Variants in ADGRV1 observed in about 807,000 individuals in gnomAD.
The protein encoded by ADGRV1 is G-protein coupled receptor 98.
ADGRV1 carries 359 observed loss-of-function variants against 596.2 expected under a neutral mutation model. The ratio of observed to expected loss-of-function variants is 0.60; its 90% confidence interval spans 0.55 to 0.66. The LOEUF (loss-of-function observed/expected upper bound fraction) is 0.66. Ranked by LOEUF, ADGRV1 falls within the 30% of genes least tolerant of loss-of-function variation. ADGRV1 has a pLI of 0.00. For synonymous variants in ADGRV1, 2,681 were observed against 2,679.2 expected (o/e 1.00, Z -0.02); for missense variants, 7,274 against 7,575.6 (o/e 0.96, Z 1.48).
chr5:90,692,434 G>A (rs944996398), intron 31 of ADGRV1, among the ~76,000 whole-genome samples, 171 bp from the exon 32 acceptor site: 1 of 152,086 alleles, frequency 6.6e-6, no homozygotes, highest in Non-Finnish European at 1.5e-5. Flanking sequence ...GGGTTATTCT[G>A]TTACATGCTG....
intron 55 of ADGRV1, among the ~76,000 whole-genome samples, chr5:90,755,771 TAAC>T (rs1048029477): frequency 1.7e-4 from 26 of 149,208 alleles, no homozygotes; most frequent in African/African-American, 5.1e-4. Flanking sequence ...TATAAAATAA[TAAC>T]AAAATGTTGT....
chr5:91,075,774 C>A (rs1788802047), intron 86 of ADGRV1, among the ~76,000 whole-genome samples: 1 of 151,974 alleles, frequency 6.6e-6, no homozygotes, highest in East Asian at 1.9e-4. Context: ...TCTCATTCTC[C>A]AGCATTTCAG....
chr5:91,161,331 C>T (rs1301934247), intron 89 of ADGRV1, among the ~76,000 whole-genome samples: 2 of 152,100 alleles, frequency 1.3e-5, no homozygotes, highest in Non-Finnish European at 2.9e-5. Context: ...ATGTTACCTT[C>T]GGGGGCCAAG....
rs139205580 is a variant in ADGRV1, at chr5:90,834,861, TTTTC to T, written c.16611+5685_16611+5688del. ...TTTTTTCTTTTGTTTCCTCTGCCTA[TTTTC>T]TTTCTTTCTCTTTCTTTCTTTTTTC... On this transcript the variant is annotated intron_variant, in intron 77 of 89. Coordinates refer to ENST00000405460, the MANE Select transcript of ADGRV1 (RefSeq NM_032119.4). Among the ~76,000 whole-genome samples the T allele has an allele frequency of 3.2e-3, 486 of 151,908 alleles. 4 individuals carry two copies. The highest frequency in any genetic ancestry group is 0.011 in the African/African-American group (462 of 41,450).
chr5:90,852,694 C>G (rs1340363220), intron 79 of ADGRV1, among the ~76,000 whole-genome samples: 1 of 152,166 alleles, frequency 6.6e-6, no homozygotes, highest in Non-Finnish European at 1.5e-5. Context: ...TTTCACTGAG[C>G]CCAGGCTCTT....
At chr5:90,695,689 CATA>C (rs1324734011) in intron 33 of ADGRV1, among the ~76,000 whole-genome samples, 1 of 149,636 alleles carries the variant, frequency 6.7e-6, no homozygotes, top group Admixed American at 6.6e-5. Flanking sequence ...TTTTGAAACA[CATA>C]ATAATCATTA....
At chr5:91,043,159 A>G (rs1336713275) in intron 85 of ADGRV1, among the ~76,000 whole-genome samples, 2 of 152,144 alleles carry the variant, frequency 1.3e-5, no homozygotes, top group African/African-American at 2.4e-5. Flanking sequence ...TTCAGATGTA[A>G]TCAAAGGAGT....
chr5:90,979,102 T>TG (rs1205704311), intron 84 of ADGRV1, among the ~76,000 whole-genome samples: 3 of 151,414 alleles, frequency 2.0e-5, no homozygotes, highest in African/African-American at 7.3e-5. Context: ...AAGTGAGTGG[T>TG]GAAAAAAAAT....
chr5:90,976,862 G>A (rs2151017495), intron 84 of ADGRV1, among the ~76,000 whole-genome samples: 1 of 152,200 alleles, frequency 6.6e-6, no homozygotes, highest in Middle Eastern at 3.4e-3. Context: ...AGCTTAATTT[G>A]AAATATAATC....
chr5:91,087,738 C>A (rs1790018175), intron 86 of ADGRV1, among the ~76,000 whole-genome samples: 1 of 152,206 alleles, frequency 6.6e-6, no homozygotes, highest in Non-Finnish European at 1.5e-5. Context: ...TAAATCCTCA[C>A]AATCCACAAA....
At chr5:90,728,588 T>TAAAGTACAGAATTTTA in intron 48 of ADGRV1, 81 bp from the exon 49 acceptor site, 2 of 1,150,218 alleles carry the variant, frequency 1.7e-6, no homozygotes, top group Non-Finnish European at 2.5e-6. Context: ...TCCAAGAGAG[T>TAAAGTACAGAATTTTA]AAACATATGG....
chr5:90,627,040 G>C (rs1428489660), intron 6 of ADGRV1, among the ~76,000 whole-genome samples, 171 bp from the exon 7 acceptor site: 2 of 152,040 alleles, frequency 1.3e-5, no homozygotes, highest in Non-Finnish European at 2.9e-5. Context: ...ATTTACCTGT[G>C]GAAAATATTT....
At chr5:91,074,082 A>G (rs2126443248) in intron 86 of ADGRV1, among the ~76,000 whole-genome samples, 1 of 152,368 alleles carries the variant, frequency 6.6e-6, no homozygotes, top group East Asian at 1.9e-4. Flanking sequence ...TTTTCACGGG[A>G]CACAGAAGTT....
intron 86 of ADGRV1, among the ~76,000 whole-genome samples, chr5:91,079,683 G>A (rs1789168416): frequency 6.6e-6 from 1 of 152,138 alleles, no homozygotes; most frequent in South Asian, 2.1e-4. Flanking sequence ...GACCACTTGT[G>A]GCAGACCGGG....
chr5:90,986,041 T>C (rs1780467283), intron 85 of ADGRV1, among the ~76,000 whole-genome samples: 1 of 150,566 alleles, frequency 6.6e-6, no homozygotes, highest in Admixed American at 6.6e-5. Flanking sequence ...CCTTTTAATC[T>C]TGAAATCTTA....
At chr5:90,634,257 TA>T (rs1765860763) in intron 9 of ADGRV1, among the ~76,000 whole-genome samples, 1 of 152,186 alleles carries the variant, frequency 6.6e-6, no homozygotes, top group African/African-American at 2.4e-5. Context: ...AGAATTCTTA[TA>T]GAGCTCAGAT....
chr5:91,021,237 A>T (rs769050177), intron 85 of ADGRV1, among the ~76,000 whole-genome samples: 4 of 152,094 alleles, frequency 2.6e-5, no homozygotes, highest in Non-Finnish European at 5.9e-5. Flanking sequence ...ACTGTCACAA[A>T]TGATATTTTT....
chr5:90,916,668 TGTC>T (rs1292176699), intron 83 of ADGRV1, among the ~76,000 whole-genome samples: 1 of 136,950 alleles, frequency 7.3e-6, no homozygotes, highest in Non-Finnish European at 1.5e-5. Flanking sequence ...AGTCTCGCTC[TGTC>T]GCCCAGGCTG....
intron 48 of ADGRV1, among the ~76,000 whole-genome samples, chr5:90,726,650 G>GGTGT (rs1554096489): frequency 1.7e-5 from 2 of 117,792 alleles, no homozygotes; most frequent in Admixed American, 9.8e-5. Context: ...TCTCTCTCTG[G>GGTGT]GTATGTGTGT....
Sources: gnomAD v4.1 joint callset for allele counts (sites outside exome capture counted in the v4.1 genomes callset) on GRCh38, gnomAD v4.1.1 for gene constraint, MANE v1.5 for transcripts, NCBI Gene and HGNC (gene_info 2026-07-23, HGNC 2026-07-21) for gene names.